Variants in CCSER1 observed in about 807,000 individuals in gnomAD.
CCSER1 encodes serine-rich coiled-coil domain-containing protein 1.
CCSER1 carries 41 observed loss-of-function variants against 82.0 expected under a neutral mutation model. The ratio of observed to expected loss-of-function variants is 0.50; its 90% CI spans 0.39 to 0.65. CCSER1 has a LOEUF of 0.65. CCSER1 is among the 30% of genes least tolerant of loss of function. The pLI is 0.00. For synonymous variants in CCSER1, 414 were observed against 383.9 expected, an observed-to-expected ratio of 1.08 and a Z score of -0.92; for missense variants, 1,119 against 1,064.2, an observed-to-expected ratio of 1.05 and a Z score of -0.72.
intron 9 of CCSER1, among the ~76,000 whole-genome samples, chr4:90,989,231 T>A (rs1431955129): frequency 6.6e-6 from 1 of 151,762 alleles, no homozygotes; most frequent in African/African-American, 2.4e-5. Context: ...AGCCTGCGTG[T>A]TTGGGCCTTT....
intron 5 of CCSER1, among the ~76,000 whole-genome samples, chr4:90,607,843 C>T (rs139190322): frequency 0.012 from 1,803 of 152,152 alleles, 13 homozygotes; most frequent in Non-Finnish European, 0.018. Context: ...ATTCAACTTG[C>T]CTTTTCCCTT....
intron 10 of CCSER1, among the ~76,000 whole-genome samples, chr4:91,314,605 C>T (rs1232286173): frequency 6.6e-6 from 1 of 151,906 alleles, no homozygotes. Flanking sequence ...ATGTTGCAGC[C>T]GTGCTGAAAT....
At chr4:91,125,756 A>C (rs943269453) in intron 10 of CCSER1, among the ~76,000 whole-genome samples, 7 of 151,714 alleles carry the variant, frequency 4.6e-5, no homozygotes, top group Admixed American at 2.6e-4. Context: ...ACACCGAAAA[A>C]AATGAGAATT....
At chr4:91,431,259 C>A (rs1484666047) in intron 10 of CCSER1, among the ~76,000 whole-genome samples, 2 of 152,054 alleles carry the variant, frequency 1.3e-5, no homozygotes, top group Admixed American at 6.6e-5. Context: ...ACAACAACAA[C>A]AAAAACAAAC....
At position 91,043,914 on chromosome 4, in the gene CCSER1, C is replaced by G. The variant is rs184481960; in HGVS notation, c.2173-42036C>G. Among the ~76,000 whole-genome samples the G allele has an allele frequency of 2.0e-5, 3 of 152,228 alleles. No homozygotes were observed. In the East Asian group the frequency reaches 5.8e-4, roughly 29 times the overall value. On this transcript the variant is annotated intron_variant, in intron 9 of 10. Transcript: ENST00000509176. ...AGACTTCTTATGGAAAAGCTGGATT[C>G]AAGAAGACAGTGGACAAGATGGTTA...
intron 1 of CCSER1, among the ~76,000 whole-genome samples, chr4:90,245,334 G>T (rs559684030): frequency 6.6e-6 from 1 of 152,022 alleles, no homozygotes; most frequent in African/African-American, 2.4e-5. Context: ...AAAAAATTTA[G>T]CCTGATTTTT....
At chr4:90,427,117 A>G (rs920284999) in intron 4 of CCSER1, among the ~76,000 whole-genome samples, 13 of 152,100 alleles carry the variant, frequency 8.5e-5, no homozygotes, top group African/African-American at 3.1e-4. Flanking sequence ...TGTGTGTCTA[A>G]TAGCCAAAAC....
intron 10 of CCSER1, among the ~76,000 whole-genome samples, chr4:91,581,439 C>A (rs960599471): frequency 2.0e-5 from 3 of 151,580 alleles, no homozygotes; most frequent in Non-Finnish European, 4.4e-5. Context: ...AGCCCAAAAT[C>A]AATAAGAAAG....
chr4:91,447,871 T>C (rs1296009887), intron 10 of CCSER1, among the ~76,000 whole-genome samples: 3 of 152,136 alleles, frequency 2.0e-5, no homozygotes, highest in Non-Finnish European at 4.4e-5. Context: ...TTTGACAGCA[T>C]GCTTGTGTCT....
chr4:91,173,825 A>T (rs1733027095), intron 10 of CCSER1, among the ~76,000 whole-genome samples: 1 of 152,164 alleles, frequency 6.6e-6, no homozygotes, highest in South Asian at 2.1e-4. Context: ...CAAATGGGAG[A>T]AAATAACCCA....
intron 10 of CCSER1, among the ~76,000 whole-genome samples, chr4:91,380,906 A>C (rs1578318348): frequency 6.6e-6 from 1 of 152,126 alleles, no homozygotes; most frequent in African/African-American, 2.4e-5. Context: ...TTCCATGTTT[A>C]GTGCTTCCTT....
Position 90,886,799 on chromosome 4 carries a change from C to A in CCSER1, c.2095-36571C>A, listed in dbSNP as rs376504414. Reference sequence around the variant, plus strand: ...GAAGCTACCATTATAAAGAATATTTCTTAAAAAATTCTGTGTCTACTGAAT... The same window carrying A: ...GAAGCTACCATTATAAAGAATATTTATTAAAAAATTCTGTGTCTACTGAAT... On this transcript the variant is annotated intron_variant, in intron 8 of 10. Coordinates refer to ENST00000509176, the MANE Select transcript of CCSER1 (RefSeq NM_001145065.2). Among the ~76,000 whole-genome samples, 19 of 152,186 alleles carry A rather than the reference C, an allele frequency of 1.2e-4. No individual in the cohort carries two copies. The East Asian group carries it at 2.9e-3, about 23-fold the overall frequency.
intron 10 of CCSER1, among the ~76,000 whole-genome samples, chr4:91,182,953 G>C (rs771576291): frequency 6.6e-6 from 1 of 152,222 alleles, no homozygotes; most frequent in Non-Finnish European, 1.5e-5. Flanking sequence ...AGGTAATGCT[G>C]TATCTGTGTT....
In CCSER1 at chr4:91,373,661, C is replaced by A. The variant is rs372710446; in HGVS notation, c.2218-224911C>A. On this transcript the variant is annotated intron_variant, in intron 10 of 10. Coordinates refer to ENST00000509176, the MANE Select transcript of CCSER1 (RefSeq NM_001145065.2). ...ATGTTGACATTATGTCAGTTAATGA[C>A]CCTACAATGGCCTCTAAATTTTCTG... Among the ~76,000 whole-genome samples, 5 of 152,210 alleles carry A rather than the reference C, an allele frequency of 3.3e-5. No individual in the cohort carries two copies. In the East Asian group the frequency reaches 9.7e-4, roughly 29 times the overall value.
intron 9 of CCSER1, among the ~76,000 whole-genome samples, chr4:91,019,211 A>T (rs1408399458): frequency 6.6e-6 from 1 of 151,854 alleles, no homozygotes; most frequent in Non-Finnish European, 1.5e-5. Flanking sequence ...TTATTTTCTT[A>T]TGCCTCTATA....
chr4:90,179,927 T>C (rs1733407704), intron 1 of CCSER1, among the ~76,000 whole-genome samples: 1 of 152,012 alleles, frequency 6.6e-6, no homozygotes, highest in African/African-American at 2.4e-5. Flanking sequence ...TTAAAAAATA[T>C]AGGACATATC....
chr4:91,318,410 GC>G (rs1348280617), intron 10 of CCSER1, among the ~76,000 whole-genome samples: 1 of 151,752 alleles, frequency 6.6e-6, no homozygotes, highest in Non-Finnish European at 1.5e-5. Context: ...TACCTACTGG[GC>G]CTGAATAAAT....
At chr4:91,084,969 A>T (rs895474914) in intron 9 of CCSER1, among the ~76,000 whole-genome samples, 3 of 152,106 alleles carry the variant, frequency 2.0e-5, no homozygotes, top group Non-Finnish European at 4.4e-5. Flanking sequence ...TGAAATACTT[A>T]ACTACAATAT....
intron 10 of CCSER1, among the ~76,000 whole-genome samples, chr4:91,536,679 T>C (rs1377188337): frequency 6.6e-6 from 1 of 152,114 alleles, no homozygotes; most frequent in East Asian, 1.9e-4. Context: ...TCCTGTCATG[T>C]AGCTCTGCCC....
Sources: gnomAD v4.1 joint callset for allele counts (sites outside exome capture counted in the v4.1 genomes callset) on GRCh38, gnomAD v4.1.1 for gene constraint, MANE v1.5 for transcripts, NCBI Gene and HGNC (gene_info 2026-07-23, HGNC 2026-07-21) for gene names.